Variants in CAPN14 observed in about 807,000 individuals in gnomAD.
CAPN14 encodes calpain-14.
A neutral mutation model predicts 101.3 loss-of-function variants in CAPN14; 94 were observed. That is an observed-to-expected ratio of 0.93 (90% CI 0.79 to 1.10). CAPN14 has a LOEUF of 1.10. CAPN14 is among the 50% of genes least tolerant of loss of function. The pLI is 0.00. For synonymous variants in CAPN14, 338 were observed against 317.9 expected, an observed-to-expected ratio of 1.06 and a Z score of -0.67; for missense variants, 837 against 828.4, an observed-to-expected ratio of 1.01 and a Z score of -0.13.
chr2:31,179,501 T>C (rs951270393), intron 17 of CAPN14, among the ~76,000 whole-genome samples: 1 of 152,228 alleles, frequency 6.6e-6, no homozygotes, highest in Non-Finnish European at 1.5e-5. Flanking sequence ...TCCAAGCCTT[T>C]GCTATTGTGA....
Position 31,199,488 on chromosome 2 carries a change from A to G in CAPN14, c.771T>C (p.Thr257=), listed in dbSNP as rs779865378. The part of the protein sequence containing the change: ...ENGLVEGHAY[T]LTGIRKVTCK... ...AACCCACCTTCCTGATTCCTGTGAG[A>G]GTATAGGCATGGCCTTCCACCAGCC... is the stretch of plus-strand genomic sequence containing the variant. The change falls in exon 7 of 22, where the codon ACT becomes ACC. Residue 257 remains threonine (T), a synonymous_variant. Coordinates refer to ENST00000403897, the MANE Select transcript of CAPN14 (RefSeq NM_001145122.2). 6.4e-7 allele frequency: 1 copy of G among 1,551,532 alleles called. No homozygotes were observed.
rs751444899 is a variant in CAPN14, at chr2:31,202,143, G to C, written c.405C>G (p.Phe135Leu). 1.9e-6 allele frequency: 3 copies of C among 1,551,842 alleles called. No homozygotes were observed. The highest frequency in any genetic ancestry group is 2.6e-6 in the Non-Finnish European group (3 of 1,146,986). ...CCGGGAAGACACTCACCCAGAACCGGAAGATGCCAGCATACTTCTCAGTGA... is the reference window on the plus strand; with the variant it reads ...CCGGGAAGACACTCACCCAGAACCGCAAGATGCCAGCATACTTCTCAGTGA... ...QSFTEKYAGI[F>L]RFWFWHYGNW... Residue 135 changes from phenylalanine to leucine, a missense_variant, in exon 4 of 22, where the codon TTC becomes TTG. Physicochemically the swap from Phe to Leu is conservative, Grantham distance 22. Coordinates refer to ENST00000403897, the MANE Select transcript of CAPN14 (RefSeq NM_001145122.2).
At chr2:31,201,710 T>A (rs1301348263) in intron 5 of CAPN14, among the ~76,000 whole-genome samples, 152 bp downstream of exon 5, 2 of 152,140 alleles carry the variant, frequency 1.3e-5, no homozygotes, top group African/African-American at 2.4e-5. Context: ...GACCCCTACA[T>A]AAAAGACTGA....
chr2:31,216,993 T>C (rs1262388410), intron 1 of CAPN14, among the ~76,000 whole-genome samples: 1 of 152,148 alleles, frequency 6.6e-6, no homozygotes, highest in East Asian at 1.9e-4. Flanking sequence ...ACAGTCGGCC[T>C]CCTTGACTCT....
chr2:31,206,123 T>C (rs1682075980), intron 1 of CAPN14, among the ~76,000 whole-genome samples: 1 of 151,072 alleles, frequency 6.6e-6, no homozygotes, highest in Non-Finnish European at 1.5e-5. Context: ...ACCCCTGGCT[T>C]CCAGGTTCAA....
At chr2:31,189,778 T>G in intron 12 of CAPN14, 1 of 498,274 alleles carries the variant, frequency 2.0e-6, no homozygotes. Context: ...CCTTCCATTT[T>G]ATGGCTGAGG....
rs78851001 is a variant in CAPN14, at chr2:31,233,015, C to G, written c.-177+776G>C. ...GCAAGTTTATTATTGGGTTTAAATT[C>G]TCTACACACGATGCACTGCTTTTGC... On this transcript the variant is annotated intron_variant and NMD_transcript_variant, in intron 1 of 21. Coordinates refer to the CAPN14 transcript ENST00000398824. 3.7e-4 allele frequency among the ~76,000 whole-genome samples: 57 copies of G among 152,268 alleles called. 1 individual carries two copies. In the East Asian group the frequency reaches 0.011, roughly 28 times the overall value.
rs373167081 is a variant in CAPN14 at position 31,213,920 on chromosome 2, AG to A, written c.-53+3535del. Reference sequence around the variant, plus strand: ...GATTTTGTAATGTTAATGGTTTGAAAGGCTTTAAATTGTTTTTCTTTTACTG... The same window carrying A: ...GATTTTGTAATGTTAATGGTTTGAAAGCTTTAAATTGTTTTTCTTTTACTG... On this transcript the variant is annotated intron_variant, in intron 1 of 21. Coordinates refer to ENST00000403897, the MANE Select transcript of CAPN14 (RefSeq NM_001145122.2). 4.4e-3 allele frequency among the ~76,000 whole-genome samples: 665 copies of A among 152,316 alleles called. 6 individuals carry two copies. Among genetic ancestry groups the A allele is most frequent in the African/African-American group, 0.015 (639 of 41,570 alleles).
chr2:31,220,262 C>A (rs1013585156), upstream of CAPN14, among the ~76,000 whole-genome samples: 3 of 152,140 alleles, frequency 2.0e-5, no homozygotes, highest in Non-Finnish European at 4.4e-5. Context: ...TCCAAGGTGA[C>A]CCTTCATGGG....
chr2:31,183,370 A>G (rs1176519141), intron 16 of CAPN14, among the ~76,000 whole-genome samples: 1 of 152,234 alleles, frequency 6.6e-6, no homozygotes, highest in African/African-American at 2.4e-5. Context: ...TCTGCACAGC[A>G]AAAGAAACTG....
chr2:31,200,534 C>A lies in CAPN14; in HGVS notation c.643G>T (p.Ala215Ser), dbSNP rs1302874952. The A allele has an allele frequency of 6.4e-7, 1 of 1,551,592 alleles. No individual in the cohort carries two copies. The change falls in exon 6 of 22, where the codon GCA becomes TCA. Residue 215 changes from alanine (A) to serine (S), a missense_variant. By Grantham distance (99) the Ala-to-Ser change is moderately conservative (BLOSUM62 1). Transcript: ENST00000403897. ...TGGVTMTINL[A>S]EAHGNLWDIL... ...TCCCAGAGGTTGCCATGGGCTTCTGCCAGGTTGATGGTCATTGTCACCCCT... is the reference window on the plus strand; with the variant it reads ...TCCCAGAGGTTGCCATGGGCTTCTGACAGGTTGATGGTCATTGTCACCCCT...
chr2:31,228,144 T>C (rs937709528), intron 1 of CAPN14, among the ~76,000 whole-genome samples: 1 of 152,224 alleles, frequency 6.6e-6, no homozygotes, highest in Admixed American at 6.5e-5. Context: ...TTGGGCCAGG[T>C]TGAAAGGGGC....
chr2:31,180,063 C>T (rs779663847), intron 17 of CAPN14, among the ~76,000 whole-genome samples: 16 of 152,090 alleles, frequency 1.1e-4, no homozygotes, highest in Non-Finnish European at 1.9e-4. Flanking sequence ...TGCCCAGATA[C>T]CCCTACCATC....
intron 1 of CAPN14, among the ~76,000 whole-genome samples, chr2:31,227,610 T>A (rs943848474): frequency 4.6e-5 from 7 of 152,172 alleles, no homozygotes; most frequent in African/African-American, 1.7e-4. Flanking sequence ...CACAACAACA[T>A]TGTGAAGCGT....
Position 31,202,309 on chromosome 2 carries a change from G to A in CAPN14, c.296-57C>T, listed in dbSNP as rs1294949765. The A allele has an allele frequency of 1.4e-5, 19 of 1,363,898 alleles. 1 individual carries two copies. 84.5% of individuals were successfully genotyped at this position (1,363,898 alleles called of 1,614,324 possible). On this transcript the variant is annotated intron_variant, in intron 3 of 21. Transcript: ENST00000403897. ...ATCTACTGGGGACTTTATGACTGCA[G>A]AAAATGCCCGGTCCCAATGGCCACC... is the stretch of plus-strand genomic sequence containing the variant.
At chr2:31,201,509 G>T (rs1329402142) in intron 5 of CAPN14, among the ~76,000 whole-genome samples, 1 of 152,160 alleles carries the variant, frequency 6.6e-6, no homozygotes, top group Non-Finnish European at 1.5e-5. Flanking sequence ...AAAGGAAGAG[G>T]CATTTAAACT....
Position 31,202,255 on chromosome 2 carries a change from A to C in CAPN14, c.296-3T>G, listed in dbSNP as rs115954418. 2,385 of 1,549,332 alleles carry C rather than the reference A, an allele frequency of 1.5e-3. 32 individuals carry two copies. The African/African-American group carries it at 0.029, about 19-fold the overall frequency. Reference sequence around the variant, plus strand: ...AGCAGCCAAGAACCAGCAGTCTCCTAAGTCAGACAGCACACAGCATCTGCA... The same window carrying C: ...AGCAGCCAAGAACCAGCAGTCTCCTCAGTCAGACAGCACACAGCATCTGCA... On this transcript the variant is annotated splice_polypyrimidine_tract_variant and splice_region_variant and intron_variant, in intron 3 of 21. Transcript: ENST00000403897.
At chr2:31,192,842 G>C (rs921096937) in intron 10 of CAPN14, among the ~76,000 whole-genome samples, 3 of 152,172 alleles carry the variant, frequency 2.0e-5, no homozygotes, top group Non-Finnish European at 4.4e-5. Context: ...TATCATGCCT[G>C]TGTGCCTGTG....
At position 31,180,184 on chromosome 2, in the gene CAPN14, C is replaced by T. The variant is rs542307110; in HGVS notation, c.1710+752G>A. On this transcript the variant is annotated intron_variant, in intron 17 of 21. Coordinates refer to ENST00000403897, the MANE Select transcript of CAPN14 (RefSeq NM_001145122.2). ...GTAGCAGGTGAGGTCGGCATTAACT[C>T]CCCATGTTCCAGGTGATGAAATGAG... is the stretch of plus-strand genomic sequence containing the variant. Among the ~76,000 whole-genome samples, 34 of 70,820 alleles carry T rather than the reference C, an allele frequency of 4.8e-4. 1 individual carries two copies. The East Asian group carries it at 7.3e-3, about 15-fold the overall frequency. 46.5% of individuals were successfully genotyped at this position (70,820 alleles called of 152,430 possible).
Sources: allele counts gnomAD v4.1 joint callset (sites outside exome capture counted in the v4.1 genomes callset), GRCh38; gene constraint gnomAD v4.1.1; transcripts MANE v1.5; gene names NCBI Gene and HGNC (gene_info 2026-07-23, HGNC 2026-07-21).